SCNN1D: variants seen among roughly 807,000 people sequenced by gnomAD.
The protein encoded by SCNN1D is epithelial sodium channel subunit delta.
SCNN1D carries 104 observed loss-of-function variants against 87.8 expected under a neutral mutation model. The observed-to-expected ratio is 1.18, with a 90% CI of 1.01 to 1.39. SCNN1D has a LOEUF of 1.39. SCNN1D is among the 40% of genes most tolerant of loss of function. The pLI, the probability that SCNN1D is intolerant of heterozygous loss-of-function variation, is 0.00. For missense variants in SCNN1D, 1,324 were observed against 1,093.9 expected (o/e 1.21, Z -2.97); for synonymous variants, 628 against 481.2 (o/e 1.31, Z -3.99).
chr1:1,283,115 T>A (rs1044372623), intron 4 of SCNN1D, among the ~76,000 whole-genome samples: 10 of 151,916 alleles, frequency 6.6e-5, no homozygotes, highest in Non-Finnish European at 8.8e-5. Flanking sequence ...GGACTGAAAG[T>A]CTTAGTGTGT....
intron 6 of SCNN1D, 85 bp downstream of exon 6, chr1:1,285,749 G>A: frequency 2.4e-6 from 3 of 1,262,624 alleles, no homozygotes; most frequent in Middle Eastern, 3.9e-4. Context: ...ACTGAGACGT[G>A]TCAGGGACGG....
chr1:1,285,873 G>A, intron 6 of SCNN1D, 53 bp from the exon 7 acceptor site: 3 of 1,477,988 alleles, frequency 2.0e-6, no homozygotes. Flanking sequence ...GCCCAGGGTA[G>A]GGAGGCCTGA....
rs760905914 is a variant in SCNN1D at position 1,282,039 on chromosome 1, TGTG to T, written c.278-198_278-196del. 2,055 of 596,506 alleles carry T rather than the reference TGTG, an allele frequency of 3.4e-3. 10 individuals carry two copies. The highest frequency in any genetic ancestry group is 5.1e-3 in the Middle Eastern group (13 of 2,536). The allele number at this position is 596,506 out of a possible 1,614,324, so 37.0% of individuals were successfully genotyped here. On this transcript the variant is annotated intron_variant, in intron 3 of 17. Coordinates refer to ENST00000379116, the MANE Select transcript of SCNN1D (RefSeq NM_001130413.4). ...CGGCCCACGCACAAAGCTGCCCAGATGTGGTGGGGGAGAAGCCCCAGGCCTGTG... is the reference window on the plus strand; with the variant it reads ...CGGCCCACGCACAAAGCTGCCCAGATGTGGGGGAGAAGCCCCAGGCCTGTG...
chr1:1,290,862 G>A (rs1010975578), intron 15 of SCNN1D, 33 bp from the exon 16 acceptor site: 2 of 1,605,838 alleles, frequency 1.2e-6, no homozygotes, highest in East Asian at 2.2e-5. Flanking sequence ...GGGCATGGGG[G>A]AGCCGTGGCC....
chr1:1,288,285 C>A lies in SCNN1D; in HGVS notation c.1662+248C>A, dbSNP rs12743668. ...TGTCTCTGCTCCGTCCCCCGAGTCT[C>A]TGCTCCGTCCCGTGTCTGCTCCGTC... On this transcript the variant is annotated intron_variant, in intron 12 of 17. Coordinates refer to ENST00000379116, the MANE Select transcript of SCNN1D (RefSeq NM_001130413.4). 1.0e-3 allele frequency among the ~76,000 whole-genome samples: 88 copies of A among 84,344 alleles called. 3 individuals carry two copies. Among genetic ancestry groups the A allele is most frequent in the Admixed American group, 1.6e-3 (13 of 8,146 alleles). The allele number at this position is 84,344 out of a possible 152,430, so 55.3% of individuals were successfully genotyped here.
intron 4 of SCNN1D, among the ~76,000 whole-genome samples, chr1:1,282,575 G>A (rs987192991): frequency 2.0e-5 from 3 of 152,192 alleles, no homozygotes; most frequent in African/African-American, 7.2e-5. Flanking sequence ...ACCGCACTGG[G>A]GCTGAAGACG....
At position 1,290,261 on chromosome 1, in the gene SCNN1D, C is replaced by A. The variant is rs2748384; in HGVS notation, c.1663-10C>A. 0.12 allele frequency: 164,237 copies of A among 1,351,020 alleles called. 29,769 individuals are homozygous for A. The highest frequency in any genetic ancestry group is 0.86 in the East Asian group (21,941 of 25,618). The allele number at this position is 1,351,020 out of a possible 1,614,324, so 83.7% of individuals were successfully genotyped here. On this transcript the variant is annotated splice_polypyrimidine_tract_variant and intron_variant, in intron 12 of 17. Coordinates refer to ENST00000379116, the MANE Select transcript of SCNN1D (RefSeq NM_001130413.4). The stretch of plus-strand genomic sequence containing the variant: ...CATCCCATGTCCCTGCTCATCCCCC[C>A]TGTCCCCAGGCCTGCCTGGTGTCCT...
intron 4 of SCNN1D, among the ~76,000 whole-genome samples, chr1:1,283,677 A>C (rs980319519): frequency 1.3e-5 from 2 of 152,064 alleles, no homozygotes; most frequent in Non-Finnish European, 2.9e-5. Flanking sequence ...CAACCTGGGC[A>C]ACAAGAGTGA....
chr1:1,285,946 C>A lies in SCNN1D; in HGVS notation c.579C>A (p.Pro193=). 1 of 1,552,868 alleles carries A rather than the reference C, an allele frequency of 6.4e-7. No individual in the cohort carries two copies. Among genetic ancestry groups the A allele is most frequent in the South Asian group, 1.2e-5 (1 of 84,776 alleles). The change falls in exon 7 of 18, where the codon CCC becomes CCA. Residue 193 remains proline, a synonymous_variant. Transcript: ENST00000379116. ...KQGQAAAQTP[P]RPGPPSAPPP... ...CACAGGCTGCAGCCCAGACGCCCCC[C>A]AGGCCGGGGCCACCATCAGCACCAC...
intron 5 of SCNN1D, among the ~76,000 whole-genome samples, chr1:1,285,278 C>T (rs1183334999): frequency 6.6e-6 from 1 of 152,258 alleles, no homozygotes. Flanking sequence ...GACTCCAGAG[C>T]CTCCAGCGCG....
intron 12 of SCNN1D, among the ~76,000 whole-genome samples, 178 bp downstream of exon 12, chr1:1,288,215 T>TCCCGTGTCTCTGCC (rs1557584120): frequency 1.4e-4 from 18 of 127,110 alleles, no homozygotes; most frequent in African/African-American, 5.5e-4. Context: ...GTGTCTCTGC[T>TCCCGTGTCTCTGCC]CCGTCCCGTG....
At chr1:1,285,497 A>G in intron 5 of SCNN1D, 74 bp from the exon 6 acceptor site, 1 of 1,042,774 alleles carries the variant, frequency 9.6e-7, no homozygotes, top group Non-Finnish European at 1.4e-6. Flanking sequence ...AGGGGCAAGA[A>G]GGGCAAGTCT....
chr1:1,288,184 C>G (rs369617858), intron 12 of SCNN1D, 147 bp downstream of exon 12: 4 of 629,856 alleles, frequency 6.4e-6, no homozygotes, highest in Non-Finnish European at 1.1e-5. Flanking sequence ...CTCCATCCCC[C>G]GTGTCCCCGC....
At position 1,282,267 on chromosome 1, in the gene SCNN1D, C is replaced by T. The variant is rs1477651992; in HGVS notation, c.303C>T (p.Phe101=). 1.9e-6 allele frequency: 3 copies of T among 1,548,268 alleles called. No homozygotes were observed. The highest frequency in any genetic ancestry group is 1.4e-5 in the African/African-American group (1 of 73,014). ...GTGLGDSSMA[F]LSRTSPVAAA... The stretch of plus-strand genomic sequence containing the variant: ...GCCTGGGTGACTCCAGCATGGCTTT[C>T]CTCTCCAGGACGTCACCGGTGGCAG... Residue 101 remains phenylalanine, a synonymous_variant, in exon 4 of 18, where the codon TTC becomes TTT. Transcript: ENST00000379116.
intron 1 of SCNN1D, 128 bp from the exon 2 acceptor site, chr1:1,281,098 A>T: frequency 1.1e-6 from 1 of 904,584 alleles, no homozygotes; most frequent in Non-Finnish European, 1.7e-6. Flanking sequence ...CTATTGCACC[A>T]GAACCGTCCC....
At chr1:1,284,561 G>A (rs115834287) in intron 5 of SCNN1D, among the ~76,000 whole-genome samples, 9,057 of 146,474 alleles carry the variant, frequency 0.062, 404 homozygotes, top group East Asian at 0.24. Context: ...GGTGCACAGC[G>A]TGTGCTGGAC....
In SCNN1D at chr1:1,291,407, TG is replaced by T; in HGVS notation, c.2208del (p.Trp736CysfsTer41). 1 of 1,608,190 alleles carries T rather than the reference TG, an allele frequency of 6.2e-7. No individual in the cohort carries two copies. The highest frequency in any genetic ancestry group is 8.5e-7 in the Non-Finnish European group (1 of 1,178,164). The part of the protein sequence containing the change: ...GRRLRRAWFS[W>X]PRASPASGAS... ...CCGGCTCCGCAGGGCGTGGTTCTCC[TG>T]GCCCAGAGCCAGCCCTGCCTCAGGG... On this transcript the variant is annotated frameshift_variant, in exon 18 of 18. Coordinates refer to ENST00000379116, the MANE Select transcript of SCNN1D (RefSeq NM_001130413.4). LOFTEE classifies it low-confidence loss of function (END_TRUNC).
intron 3 of SCNN1D, 93 bp downstream of exon 3, chr1:1,281,703 C>G: frequency 1.7e-6 from 2 of 1,180,158 alleles, no homozygotes; most frequent in Non-Finnish European, 2.4e-6. Context: ...TGTGCTCTGA[C>G]TGAGGCCCTG....
rs925154738 is a variant in SCNN1D at position 1,285,625 on chromosome 1, C to T, written c.519C>T (p.His173=). Residue 173 remains histidine (H), a synonymous_variant, in exon 6 of 18, where the codon CAC becomes CAT. Coordinates refer to ENST00000379116, the MANE Select transcript of SCNN1D (RefSeq NM_001130413.4). ...CCTGCCACCTGAAGGGATGGCAGCA[C>T]AGACCCACTCAGCACAACGCTGCCT... ...QRPCHLKGWQ[H]RPTQHNAACK... is the part of the protein sequence containing the mutation. 3 of 1,547,564 alleles carry T rather than the reference C, an allele frequency of 1.9e-6. No homozygotes were observed. Among genetic ancestry groups the T allele is most frequent in the Non-Finnish European group, 2.6e-6 (3 of 1,145,578 alleles).
Sources: allele counts gnomAD v4.1 joint callset (sites outside exome capture counted in the v4.1 genomes callset), GRCh38; gene constraint gnomAD v4.1.1; transcripts MANE v1.5; gene names NCBI Gene and HGNC (gene_info 2026-07-23, HGNC 2026-07-21).